Variants in RORA observed in about 807,000 individuals in gnomAD.
The protein encoded by RORA is RAR related orphan receptor A.
Under a neutral mutation model 69.5 loss-of-function variants are expected in RORA, and 7 were observed. That is an observed-to-expected ratio of 0.10 (90% CI 0.06 to 0.19). The LOEUF (loss-of-function observed/expected upper bound fraction) is 0.19. Ranked by LOEUF, RORA falls within the 10% of genes least tolerant of loss-of-function variation. The pLI is 1.00. For missense variants in RORA, 457 were observed against 663.0 expected (o/e 0.69, Z 3.41); for synonymous variants, 261 against 240.8 (o/e 1.08, Z -0.78).
At chr15:61,049,372 A>T (rs147268578) in intron 1 of RORA, among the ~76,000 whole-genome samples, 1 of 152,202 alleles carries the variant, frequency 6.6e-6, no homozygotes, top group Non-Finnish European at 1.5e-5. Flanking sequence ...TGAGGTGCCA[A>T]ATTCTTTCGG....
intron 1 of RORA, chr15:60,848,679 G>T: frequency 6.5e-6 from 1 of 154,114 alleles, no homozygotes; most frequent in South Asian, 1.9e-4. Context: ...GGAAACTTAC[G>T]ATCATGGCAA....
chr15:61,103,585 C>T (rs565324889), intron 1 of RORA, among the ~76,000 whole-genome samples: 1 of 152,230 alleles, frequency 6.6e-6, no homozygotes, highest in African/African-American at 2.4e-5. Flanking sequence ...GGCTCCATTA[C>T]CACTAAGGAG....
chr15:61,170,723 A>G (rs1042673009), intron 1 of RORA, among the ~76,000 whole-genome samples: 1 of 152,248 alleles, frequency 6.6e-6, no homozygotes, highest in Admixed American at 6.5e-5. Context: ...GATTATATCA[A>G]TATACCAATA....
At chr15:60,661,421 T>G (rs1030931898) in intron 2 of RORA, among the ~76,000 whole-genome samples, 2 of 152,220 alleles carry the variant, frequency 1.3e-5, no homozygotes, top group African/African-American at 4.8e-5. Context: ...GTAATTATTA[T>G]GGTAATACCC....
At chr15:60,981,420 G>T (rs1595859820) in intron 1 of RORA, among the ~76,000 whole-genome samples, 1 of 151,886 alleles carries the variant, frequency 6.6e-6, no homozygotes, top group Admixed American at 6.6e-5. Flanking sequence ...TCTCTTCTCT[G>T]AGACGCTCTT....
intron 1 of RORA, among the ~76,000 whole-genome samples, chr15:61,202,030 C>T (rs1423738146): frequency 5.0e-5 from 7 of 139,122 alleles, no homozygotes; most frequent in East Asian, 2.1e-4. Flanking sequence ...TTTTTTGAGA[C>T]GGAGTCTCAC....
chr15:60,786,602 C>T (rs4775297), intron 1 of RORA, among the ~76,000 whole-genome samples: 48,671 of 152,090 alleles, frequency 0.32, 8,738 homozygotes, highest in Admixed American at 0.43. Context: ...CAGTGGATCA[C>T]GTGGCCTCCC....
In RORA at chr15:61,228,998, C is replaced by G. The variant is rs894989271; in HGVS notation, c.166+55G>C. On this transcript the variant is annotated intron_variant, in intron 1 of 10. Coordinates refer to ENST00000335670, the MANE Select transcript of RORA (RefSeq NM_134261.3). The stretch of plus-strand genomic sequence containing the variant: ...CGGGCGCCCGCTCCCGGCCGCCCCC[C>G]GCTCCGCGCCCGGGCTCCCGCCGCC... 512 of 1,071,832 alleles carry G rather than the reference C, an allele frequency of 4.8e-4. 5 individuals are homozygous for G. The highest frequency in any genetic ancestry group is 4.9e-4 in the South Asian group (14 of 28,828). 66.4% of individuals were successfully genotyped at this position (1,071,832 alleles called of 1,614,324 possible). A position where few individuals can be genotyped will look rare whatever the true frequency, so the allele number is the denominator to read the frequency against.
rs74638090 is a variant in RORA at position 60,605,459 on chromosome 15, G to A, written c.196+73198C>T. On this transcript the variant is annotated intron_variant, in intron 2 of 10. Transcript: ENST00000335670. ...TTAATAAAATTATGTCAATCTTCCC[G>A]CATACAACTAAGGCTAACAACATAA... Among the ~76,000 whole-genome samples, 452 of 152,120 alleles carry A rather than the reference G, an allele frequency of 3.0e-3. 3 individuals carry two copies. The highest frequency in any genetic ancestry group is 0.01 in the African/African-American group (434 of 41,498).
intron 1 of RORA, among the ~76,000 whole-genome samples, chr15:61,184,364 T>A (rs1478308872): frequency 6.6e-6 from 1 of 152,108 alleles, no homozygotes; most frequent in African/African-American, 2.4e-5. Context: ...ACGCATTACA[T>A]CATCTCCTCC....
chr15:61,073,191 C>T (rs897116184), intron 1 of RORA, among the ~76,000 whole-genome samples: 2 of 152,214 alleles, frequency 1.3e-5, no homozygotes, highest in African/African-American at 4.8e-5. Flanking sequence ...CTGTAAACGG[C>T]TCCTCTGAGC....
At chr15:60,590,718 A>AT (rs1324721518) in intron 2 of RORA, among the ~76,000 whole-genome samples, 1 of 152,122 alleles carries the variant, frequency 6.6e-6, no homozygotes, top group Non-Finnish European at 1.5e-5. Context: ...GGGAGAATAG[A>AT]TTTTTTAACA....
chr15:61,212,951 C>T (rs1387256993), intron 1 of RORA, among the ~76,000 whole-genome samples: 1 of 152,184 alleles, frequency 6.6e-6, no homozygotes, highest in East Asian at 1.9e-4. Flanking sequence ...CCTGGCCCTC[C>T]TAAGTGCCAG....
intron 1 of RORA, among the ~76,000 whole-genome samples, chr15:60,854,632 C>T (rs1429261747): frequency 1.3e-5 from 2 of 152,316 alleles, no homozygotes; most frequent in East Asian, 1.9e-4. Context: ...ACTTGTAGCA[C>T]TTCAGCTAAG....
At chr15:61,048,495 G>A (rs1283607372) in intron 1 of RORA, among the ~76,000 whole-genome samples, 3 of 152,130 alleles carry the variant, frequency 2.0e-5, no homozygotes, top group Non-Finnish European at 2.9e-5. Flanking sequence ...CTCCTGTCCC[G>A]GGGGAACTGT....
intron 1 of RORA, among the ~76,000 whole-genome samples, chr15:60,721,981 C>G (rs1220965574): frequency 6.6e-6 from 1 of 152,252 alleles, no homozygotes; most frequent in Non-Finnish European, 1.5e-5. Flanking sequence ...CAAACTATGC[C>G]TGTATTCATT....
In RORA at chr15:60,911,469, T is replaced by C. The variant is rs1386127480; in HGVS notation, c.167-232783A>G. Among the ~76,000 whole-genome samples the C allele has an allele frequency of 5.3e-5, 8 of 152,342 alleles. No homozygotes were observed. In the East Asian group the frequency reaches 1.5e-3, roughly 29 times the overall value. ...AGATAGTTGCCTTCCTGTTGTGATT[T>C]CTAGGATCTTAGGGGAAAGCCCTTC... On this transcript the variant is annotated intron_variant, in intron 1 of 10. Coordinates refer to ENST00000335670, the MANE Select transcript of RORA (RefSeq NM_134261.3).
At chr15:60,659,555 A>G (rs565188926) in intron 2 of RORA, among the ~76,000 whole-genome samples, 1 of 152,328 alleles carries the variant, frequency 6.6e-6, no homozygotes, top group Admixed American at 6.5e-5. Flanking sequence ...GCATGCTAAC[A>G]ATCAATGCAT....
intron 1 of RORA, among the ~76,000 whole-genome samples, chr15:60,782,855 A>AT: frequency 6.6e-6 from 1 of 152,360 alleles, no homozygotes; most frequent in Non-Finnish European, 1.5e-5. Flanking sequence ...ATGGAAACTG[A>AT]TAGACTCAAA....
Sources: gnomAD v4.1 joint callset for allele counts (sites outside exome capture counted in the v4.1 genomes callset) on GRCh38, gnomAD v4.1.1 for gene constraint, MANE v1.5 for transcripts, NCBI Gene and HGNC (gene_info 2026-07-23, HGNC 2026-07-21) for gene names.